CPED1: variants seen among roughly 807,000 people sequenced by gnomAD.
CPED1 encodes cadherin like and PC-esterase domain containing 1.
CPED1 carries 114 observed loss-of-function variants against 128.2 expected under a neutral mutation model. The observed-to-expected ratio is 0.89, with a 90% CI of 0.76 to 1.04. The LOEUF (loss-of-function observed/expected upper bound fraction) is 1.04. CPED1 is among the 50% of genes least tolerant of loss of function. CPED1 has a pLI of 0.00. For missense variants in CPED1, 1,211 were observed against 1,207.1 expected (o/e 1.00, Z -0.05); for synonymous variants, 462 against 426.7 (o/e 1.08, Z -1.02).
At chr7:121,121,929 A>G (rs147999816) in intron 7 of CPED1, among the ~76,000 whole-genome samples, 326 of 152,326 alleles carry the variant, frequency 2.1e-3, no homozygotes, top group African/African-American at 7.3e-3. Context: ...GTGTAACCGG[A>G]CACTCAAAAA....
intron 2 of CPED1, among the ~76,000 whole-genome samples, chr7:120,999,553 T>A (rs1719767925): frequency 6.6e-6 from 1 of 152,172 alleles, no homozygotes; most frequent in Non-Finnish European, 1.5e-5. Context: ...ATTGAGCCAT[T>A]CCTTTTATAA....
intron 16 of CPED1, among the ~76,000 whole-genome samples, chr7:121,146,780 A>G (rs1465020101): frequency 1.3e-5 from 2 of 152,190 alleles, no homozygotes; most frequent in Non-Finnish European, 2.9e-5. Flanking sequence ...TAGAATTTGT[A>G]TATAATTGTC....
chr7:121,261,514 A>G (rs1792016038), intron 18 of CPED1: 1 of 1,400,766 alleles, frequency 7.1e-7, no homozygotes, highest in Non-Finnish European at 9.9e-7. Context: ...GTCTCCTGAC[A>G]TTAGGTATTT....
chr7:121,265,170 C>T (rs919341668), intron 18 of CPED1, among the ~76,000 whole-genome samples: 1 of 151,944 alleles, frequency 6.6e-6, no homozygotes, highest in Non-Finnish European at 1.5e-5. Context: ...ATGTTGAATG[C>T]AAATCATGTT....
chr7:121,071,004 C>A (rs1217885575), intron 5 of CPED1, among the ~76,000 whole-genome samples: 1 of 152,150 alleles, frequency 6.6e-6, no homozygotes, highest in Non-Finnish European at 1.5e-5. Flanking sequence ...CAAATGCTCA[C>A]AGGGCCTTGG....
chr7:121,073,680 T>C (rs1712042913), intron 5 of CPED1, among the ~76,000 whole-genome samples: 1 of 152,164 alleles, frequency 6.6e-6, no homozygotes, highest in Admixed American at 6.6e-5. Flanking sequence ...TGGTACTTGT[T>C]TGGAAGGACT....
At chr7:121,060,671 A>G (rs1475255121) in intron 4 of CPED1, among the ~76,000 whole-genome samples, 3 of 152,328 alleles carry the variant, frequency 2.0e-5, no homozygotes, top group East Asian at 3.9e-4. Flanking sequence ...CGCACCAATC[A>G]GTGCCCTGTC....
chr7:121,054,457 A>G (rs1182755274), intron 4 of CPED1, among the ~76,000 whole-genome samples: 1 of 152,184 alleles, frequency 6.6e-6, no homozygotes. Flanking sequence ...CAAATTTACT[A>G]ATAAAAGTGA....
intron 16 of CPED1, among the ~76,000 whole-genome samples, chr7:121,165,715 A>G (rs1796507679): frequency 6.6e-6 from 1 of 152,162 alleles, no homozygotes; most frequent in African/African-American, 2.4e-5. Flanking sequence ...TGAAGTTTCT[A>G]AATTGTTACT....
intron 3 of CPED1, among the ~76,000 whole-genome samples, chr7:121,020,266 C>T (rs1204777062): frequency 6.6e-6 from 1 of 151,958 alleles, no homozygotes; most frequent in Non-Finnish European, 1.5e-5. Context: ...AAGTAAAAGA[C>T]CATATAGATA....
chr7:121,248,362 A>G (rs1216183438), intron 18 of CPED1, among the ~76,000 whole-genome samples: 1 of 152,154 alleles, frequency 6.6e-6, no homozygotes, highest in East Asian at 1.9e-4. Context: ...ATGCAGACAC[A>G]GTACCAGTGA....
intron 16 of CPED1, among the ~76,000 whole-genome samples, chr7:121,212,127 C>T (rs1363948484): frequency 2.0e-5 from 3 of 151,932 alleles, no homozygotes; most frequent in African/African-American, 7.2e-5. Context: ...AATATCAGAG[C>T]CTGAACCGAT....
At chr7:121,256,919 G>A (rs1277803073) in intron 18 of CPED1, among the ~76,000 whole-genome samples, 2 of 151,994 alleles carry the variant, frequency 1.3e-5, no homozygotes, top group African/African-American at 2.4e-5. Flanking sequence ...ATCCTTTGCA[G>A]AAACATGAAT....
At chr7:121,220,965 A>G (rs1797861934) in intron 16 of CPED1, among the ~76,000 whole-genome samples, 1 of 151,662 alleles carries the variant, frequency 6.6e-6, no homozygotes, top group African/African-American at 2.4e-5. Context: ...TCTTTACTCT[A>G]TATCCATCTT....
intron 22 of CPED1, among the ~76,000 whole-genome samples, chr7:121,271,830 C>A (rs1223413439): frequency 6.6e-6 from 1 of 152,118 alleles, no homozygotes; most frequent in Non-Finnish European, 1.5e-5. Flanking sequence ...TAATGAATGA[C>A]CTTCTTTCAT....
At chr7:121,006,467 G>T (rs1000299756) in intron 2 of CPED1, among the ~76,000 whole-genome samples, 8 of 152,000 alleles carry the variant, frequency 5.3e-5, no homozygotes, top group Admixed American at 3.3e-4. Context: ...TAAGTGCTAT[G>T]TGAGTGTCTG....
At chr7:121,239,690 A>G (rs61031107) in intron 17 of CPED1, among the ~76,000 whole-genome samples, 2,714 of 152,296 alleles carry the variant, frequency 0.018, 81 homozygotes, top group African/African-American at 0.061. Context: ...CAACATTTAC[A>G]TGATTTCCTA....
intron 5 of CPED1, among the ~76,000 whole-genome samples, chr7:121,086,833 A>C (rs967007348): frequency 6.6e-6 from 1 of 152,208 alleles, no homozygotes; most frequent in Non-Finnish European, 1.5e-5. Flanking sequence ...CATGAAATTG[A>C]ATGAACATTC....
chr7:121,260,549 C>T (rs1185161887), intron 18 of CPED1, among the ~76,000 whole-genome samples: 1 of 151,936 alleles, frequency 6.6e-6, no homozygotes, highest in African/African-American at 2.4e-5. Flanking sequence ...GACCTTAGGG[C>T]TCATCAGTAT....
Sources: allele counts gnomAD v4.1 joint callset (sites outside exome capture counted in the v4.1 genomes callset), GRCh38; gene constraint gnomAD v4.1.1; transcripts MANE v1.5; gene names NCBI Gene and HGNC (gene_info 2026-07-23, HGNC 2026-07-21).